The following ELN variants were observed in gnomAD, a reference collection of about 807,000 sequenced individuals.
ELN encodes the protein tropoelastin.
A neutral mutation model predicts 105.8 loss-of-function variants in ELN; 65 were observed. The ratio of observed to expected loss-of-function variants is 0.61; its 90% CI spans 0.50 to 0.75. ELN has a LOEUF of 0.75. ELN is among the 30% of genes least tolerant of loss of function. The pLI is 0.00. For synonymous variants in ELN, 368 were observed against 389.2 expected (o/e 0.95, Z 0.64); for missense variants, 882 against 969.4 (o/e 0.91, Z 1.20).
chr7:74,030,387 C>T (rs1788399748), intron 1 of ELN, among the ~76,000 whole-genome samples: 1 of 151,852 alleles, frequency 6.6e-6, no homozygotes, highest in Non-Finnish European at 1.5e-5. Context: ...CCGCACAGCT[C>T]CCAGGCTGTT....
chr7:74,048,307 C>A (rs2131664922), intron 14 of ELN, 106 bp downstream of exon 14: 1 of 1,546,916 alleles, frequency 6.5e-7, no homozygotes, highest in Non-Finnish European at 8.9e-7. Flanking sequence ...GCCCACCCTG[C>A]ATCCAGACCC....
At chr7:74,043,473 C>T (rs1324688097) in intron 8 of ELN, 6 of 689,852 alleles carry the variant, frequency 8.7e-6, no homozygotes, top group East Asian at 5.5e-5. Flanking sequence ...GGGCCTGCAG[C>T]GAGTCCCGGC....
At position 74,051,803 on chromosome 7, in the gene ELN, G is replaced by A. The variant is rs199709542; in HGVS notation, c.853G>A (p.Val285Met). 62 of 1,614,204 alleles carry A rather than the reference G, an allele frequency of 3.8e-5. No individual in the cohort carries two copies. In the East Asian group the frequency reaches 6.9e-4, roughly 18 times the overall value. ...TGTTGGAGGGGCTGGTGTTCCTGGC[G>A]TGCCTGGGGCAATTCCTGGAATTGG... ...PGVGGAGVPG[V>M]PGAIPGIGGI... is the part of the protein sequence containing the mutation. The change falls in exon 16 of 33, where the codon GTG becomes ATG. Residue 285 changes from valine to methionine, a missense_variant. Coordinates refer to ENST00000252034, the MANE Select transcript of ELN (RefSeq NM_000501.4).
chr7:74,041,369 A>C, intron 5 of ELN, 118 bp downstream of exon 5: 1 of 1,249,840 alleles, frequency 8.0e-7, no homozygotes, highest in Non-Finnish European at 1.2e-6. Context: ...CGTCCTGGGC[A>C]CTGACGGGGA....
chr7:74,047,625 G>A (rs1252650926), intron 12 of ELN, 50 bp from the exon 13 acceptor site: 2 of 1,613,228 alleles, frequency 1.2e-6, no homozygotes, highest in Non-Finnish European at 1.7e-6. Context: ...GTTGGTGGGA[G>A]CCCAGCAAGG....
chr7:74,035,693 G>A (rs1789765819), intron 2 of ELN: 1 of 520,588 alleles, frequency 1.9e-6, no homozygotes. Context: ...AACATAGTGA[G>A]ATCCCCCTCT....
chr7:74,063,368 T>C lies in ELN; in HGVS notation c.1917T>C (p.Phe639=), dbSNP rs1554686486. The C allele has an allele frequency of 4.5e-6, 7 of 1,546,064 alleles. No homozygotes were observed. The highest frequency in any genetic ancestry group is 5.2e-6 in the Non-Finnish European group (6 of 1,147,406). Residue 639 remains phenylalanine, a splice_region_variant and synonymous_variant, in exon 28 of 33, where the codon TTT becomes TTC. Transcript: ENST00000252034. The surrounding 1 kb of genome is among the most constrained non-coding windows in gnomAD (Gnocchi z 4.1). ...AAGCTGCTGCCAAAGCCGCCCAGTT[T>C]GGTGAGCACTGGGTGGAGGTGGGAG... ...AAKAAAKAAQ[F]GLVGAAGLGG...
At chr7:74,052,365 C>T (rs1268903202) in intron 17 of ELN, 1 of 272,762 alleles carries the variant, frequency 3.7e-6, no homozygotes, top group Non-Finnish European at 7.1e-6. Flanking sequence ...ATTTGGGAGG[C>T]TAAAACCAGG....
intron 21 of ELN, chr7:74,057,418 C>T: frequency 6.6e-7 from 1 of 1,515,292 alleles, no homozygotes; most frequent in Non-Finnish European, 8.8e-7. Context: ...GGGCTAGTGC[C>T]AGGTGCCCCA....
chr7:74,059,910 C>T lies in ELN; in HGVS notation c.1439C>T (p.Ala480Val). The T allele has an allele frequency of 6.7e-7, 1 of 1,494,378 alleles. No homozygotes were observed. Among genetic ancestry groups the T allele is most frequent in the Non-Finnish European group, 9.3e-7 (1 of 1,071,148 alleles). The allele number at this position is 1,494,378 out of a possible 1,614,324, so 92.6% of individuals were successfully genotyped here. The change falls in exon 23 of 33, where the codon GCT becomes GTT. Residue 480 changes from alanine to valine, a missense_variant. By Grantham distance (64) the Ala-to-Val change is moderately conservative. Coordinates refer to ENST00000252034, the MANE Select transcript of ELN (RefSeq NM_000501.4). ...QFGLVPGVGV[A>V]PGVGVAPGVG... ...GGGTTAGTTCCTGGTGTCGGCGTGG[C>T]TCCTGGAGTTGGCGTGGCTCCTGGT... is the stretch of plus-strand genomic sequence containing the variant.
At chr7:74,067,950 A>C (rs1033332468) in intron 32 of ELN, among the ~76,000 whole-genome samples, 1 of 150,640 alleles carries the variant, frequency 6.6e-6, no homozygotes, top group Non-Finnish European at 1.5e-5. Context: ...AAAAAAAAAA[A>C]AAAAAAAAAA....
intron 26 of ELN, among the ~76,000 whole-genome samples, chr7:74,062,522 C>T (rs970843550): frequency 3.3e-5 from 5 of 152,120 alleles, no homozygotes; most frequent in Admixed American, 2.6e-4. Flanking sequence ...ATGTTAAGTG[C>T]CTGCTGTAGA....
At position 74,061,147 on chromosome 7, in the gene ELN, C is replaced by T. The variant is rs2132363911; in HGVS notation, c.1786+8C>T. On this transcript the variant is annotated splice_region_variant and intron_variant, in intron 26 of 32. Coordinates refer to ENST00000252034, the MANE Select transcript of ELN (RefSeq NM_000501.4). ...CTAAAGCAGCCAAATATGGTGAGTG[C>T]ACCCCACAACCACTTGTGGCTCCCT... is the stretch of plus-strand genomic sequence containing the variant. 6.2e-7 allele frequency: 1 copy of T among 1,614,092 alleles called. No individual in the cohort carries two copies. Among genetic ancestry groups the T allele is most frequent in the Middle Eastern group, 1.6e-4 (1 of 6,062 alleles).
chr7:74,042,895 C>G lies in ELN; in HGVS notation c.326-89C>G, dbSNP rs1791563382. On this transcript the variant is annotated intron_variant, in intron 6 of 32. Transcript: ENST00000252034. ...AGGTGAGTTAGTAACGGGGCCAGACCTCAATGCTGGGCCCTCAGCATGCAG... is the reference window on the plus strand; with the variant it reads ...AGGTGAGTTAGTAACGGGGCCAGACGTCAATGCTGGGCCCTCAGCATGCAG... The G allele has an allele frequency of 3.1e-6, 5 of 1,606,640 alleles. No individual in the cohort carries two copies. The South Asian group carries it at 4.4e-5, about 14-fold the overall frequency.
chr7:74,066,673 A>C (rs1554689510), intron 31 of ELN, 59 bp from the exon 32 acceptor site: 6 of 1,576,942 alleles, frequency 3.8e-6, no homozygotes, highest in African/African-American at 1.3e-5. Context: ...GCAGAAAGTG[A>C]TGAGGCTGGA....
At chr7:74,035,326 T>C in intron 1 of ELN, 38 bp from the exon 2 acceptor site, 1 of 1,612,974 alleles carries the variant, frequency 6.2e-7, no homozygotes, top group Non-Finnish European at 8.5e-7. Context: ...CTAATAGTTC[T>C]GGCTCCTGGA....
chr7:74,057,626 C>T lies in ELN; in HGVS notation c.1358-14C>T. Reference sequence around the variant, plus strand: ...GAGAGATTACTCTCTCACCCCTTCTCTTCACACCTCCAGGAGTGGGGACCC... The same window carrying T: ...GAGAGATTACTCTCTCACCCCTTCTTTTCACACCTCCAGGAGTGGGGACCC... On this transcript the variant is annotated splice_polypyrimidine_tract_variant and intron_variant, in intron 21 of 32. Coordinates refer to ENST00000252034, the MANE Select transcript of ELN (RefSeq NM_000501.4). The T allele has an allele frequency of 6.2e-7, 1 of 1,614,090 alleles. No individual in the cohort carries two copies. The highest frequency in any genetic ancestry group is 8.5e-7 in the Non-Finnish European group (1 of 1,180,002).
chr7:74,030,953 A>G (rs960843624), intron 1 of ELN, among the ~76,000 whole-genome samples: 1 of 151,932 alleles, frequency 6.6e-6, no homozygotes, highest in African/African-American at 2.4e-5. Flanking sequence ...GAGGGGACAC[A>G]GTCACCCAGT....
intron 3 of ELN, 129 bp downstream of exon 3, chr7:74,036,713 C>A: frequency 7.4e-7 from 1 of 1,354,638 alleles, no homozygotes; most frequent in South Asian, 1.2e-5. Flanking sequence ...CAGACAGCAT[C>A]CAGGCGGTGG....
Sources: gnomAD v4.1 joint callset for allele counts (sites outside exome capture counted in the v4.1 genomes callset) on GRCh38, gnomAD v4.1.1 for gene constraint, Gnocchi (gnomAD v3.1) non-coding constraint, MANE v1.5 for transcripts, NCBI Gene and HGNC (gene_info 2026-07-23, HGNC 2026-07-21) for gene names.